P2RY8: variants seen among roughly 807,000 people sequenced by gnomAD.
P2RY8 encodes the protein P2Y receptor family member 8, also known as S-geranylgeranyl-glutathione receptor P2RY8.
Under a neutral mutation model 10.0 loss-of-function variants are expected in P2RY8, and 6 were observed. The observed-to-expected ratio is 0.60, with a 90% CI of 0.33 to 1.19. The LOEUF (loss-of-function observed/expected upper bound fraction) is 1.19, where lower values mean the gene tolerates loss of function less well. P2RY8 is among the 50% of genes most tolerant of loss of function. The pLI, the probability that P2RY8 is intolerant of heterozygous loss-of-function variation, is 0.04. For synonymous variants in P2RY8, 276 were observed against 252.5 expected, an observed-to-expected ratio of 1.09 and a Z score of -0.88; for missense variants, 456 against 542.0, an observed-to-expected ratio of 0.84 and a Z score of 1.58.
At position 1,529,906 on chromosome X, in the gene P2RY8, G is replaced by A. The variant is rs368924966; in HGVS notation, c.-25+7015C>T. ...ATGTCTGAGGACAGTTCTGGTTGTC[G>A]CAACTGTGGGGGTGCTCCTGGCATC... On this transcript the variant is annotated intron_variant, in intron 1 of 1. Transcript: ENST00000381297. Among the ~76,000 whole-genome samples, 42 of 151,794 alleles carry A rather than the reference G, an allele frequency of 2.8e-4. 1 individual carries two copies. The East Asian group carries it at 6.4e-3, about 23-fold the overall frequency.
In P2RY8 at chrX:1,506,356, T is replaced by C. The variant is rs759416923; in HGVS notation, c.-25+30565A>G. 7.9e-5 allele frequency among the ~76,000 whole-genome samples: 12 copies of C among 152,270 alleles called. No individual in the cohort carries two copies. The East Asian group carries it at 2.3e-3, about 29-fold the overall frequency. On this transcript the variant is annotated intron_variant, in intron 1 of 1. Coordinates refer to ENST00000381297, the MANE Select transcript of P2RY8 (RefSeq NM_178129.5). The stretch of plus-strand genomic sequence containing the variant: ...CCCCTTCTAAGATGAGCCAGGAGGC[T>C]AATTGGGTAGACAAAAGAAGACAGA...
chrX:1,484,452 C>T (rs1455667069), intron 1 of P2RY8, among the ~76,000 whole-genome samples: 2 of 152,018 alleles, frequency 1.3e-5, no homozygotes, highest in African/African-American at 4.8e-5. Context: ...ACAGGCCGGG[C>T]GCGGTGGCTC....
chrX:1,508,555 A>G (rs746107501), intron 1 of P2RY8, among the ~76,000 whole-genome samples: 1 of 152,210 alleles, frequency 6.6e-6, no homozygotes, highest in East Asian at 1.9e-4. Context: ...CTAGCCATCC[A>G]TCTATTTATC....
Position 1,471,305 on chromosome X carries a change from GC to G in P2RY8, c.-24-4724del, listed in dbSNP as rs1336162394. ...CTACAGACGTGAGCCACCGCGCCCA[GC>G]CCATTTTTTTTTTTTTTTTTTTTTT... On this transcript the variant is annotated intron_variant, in intron 1 of 1. Transcript: ENST00000381297. 6.8e-5 allele frequency among the ~76,000 whole-genome samples: 4 copies of G among 58,876 alleles called. 1 individual carries two copies. The highest frequency in any genetic ancestry group is 2.7e-4 in the African/African-American group (3 of 11,176). 38.6% of individuals were successfully genotyped at this position (58,876 alleles called of 152,430 possible). A position where few individuals can be genotyped will look rare whatever the true frequency, so the allele number is the denominator to read the frequency against.
At chrX:1,525,835 A>T (rs2092436181) in intron 1 of P2RY8, among the ~76,000 whole-genome samples, 1 of 151,960 alleles carries the variant, frequency 6.6e-6, no homozygotes, top group African/African-American at 2.4e-5. Context: ...TCATTTATTC[A>T]TGCATCCATT....
intron 1 of P2RY8, among the ~76,000 whole-genome samples, chrX:1,484,817 A>G (rs1276596966): frequency 6.7e-6 from 1 of 148,678 alleles, no homozygotes; most frequent in African/African-American, 2.5e-5. Flanking sequence ...TCTGTGTCCC[A>G]TTCAAGTCCT....
intron 1 of P2RY8, 38 bp from the exon 2 acceptor site, chrX:1,466,620 C>T (rs1318191736): frequency 1.3e-5 from 20 of 1,533,312 alleles, no homozygotes; most frequent in South Asian, 2.5e-5. Context: ...GGGTCAGGGG[C>T]GCAGGTAAAG....
At chrX:1,480,353 A>C (rs1339483108) in intron 1 of P2RY8, among the ~76,000 whole-genome samples, 1 of 149,514 alleles carries the variant, frequency 6.7e-6, no homozygotes, top group Non-Finnish European at 1.5e-5. Context: ...GCTGGACTGC[A>C]GTGGCACGAC....
At chrX:1,507,904 C>T (rs1239951345) in intron 1 of P2RY8, among the ~76,000 whole-genome samples, 6 of 152,158 alleles carry the variant, frequency 3.9e-5, no homozygotes, top group East Asian at 1.9e-4. Flanking sequence ...AAGCCAGCCC[C>T]GTCTGGCACT....
chrX:1,521,930 T>G, intron 1 of P2RY8, among the ~76,000 whole-genome samples: 1 of 146,078 alleles, frequency 6.8e-6, no homozygotes, highest in South Asian at 2.2e-4. Context: ...GTCTTTCTCT[T>G]TCTCTCTCGC....
rs182301632 is a variant in P2RY8, at chrX:1,481,102, T to A, written c.-24-14520A>T. ...ACAGATGAAGTACCGGAACTCTCAT[T>A]GAATGCTGGTCACAAGAAGACGGTC... On this transcript the variant is annotated intron_variant, in intron 1 of 1. Coordinates refer to ENST00000381297, the MANE Select transcript of P2RY8 (RefSeq NM_178129.5). Among the ~76,000 whole-genome samples the A allele has an allele frequency of 1.9e-4, 29 of 151,922 alleles. No homozygotes were observed. In the East Asian group the frequency reaches 4.5e-3, roughly 23 times the overall value.
intron 1 of P2RY8, among the ~76,000 whole-genome samples, chrX:1,511,787 C>G (rs2092299303): frequency 6.6e-6 from 1 of 152,174 alleles, no homozygotes; most frequent in African/African-American, 2.4e-5. Context: ...TTCTGGGGCT[C>G]CAGACACGAT....
Position 1,464,727 on chromosome X carries a change from T to G in P2RY8, c.*752A>C. On this transcript the variant is annotated 3_prime_UTR_variant, in exon 2 of 2. Transcript: ENST00000381297. ...TCACAGAAGCAGAATAGGGGTGGGGTCCCACCAAGCCAGGCCAGAACAAAT... is the reference window on the plus strand; with the variant it reads ...TCACAGAAGCAGAATAGGGGTGGGGGCCCACCAAGCCAGGCCAGAACAAAT... 2 of 232,914 alleles carry G rather than the reference T, an allele frequency of 8.6e-6. No homozygotes were observed. Among genetic ancestry groups the G allele is most frequent in the Non-Finnish European group, 1.7e-5 (2 of 118,058 alleles). 14.4% of individuals were successfully genotyped at this position (232,914 alleles called of 1,614,324 possible). A position where few individuals can be genotyped will look rare whatever the true frequency, so the allele number is the denominator to read the frequency against.
intron 1 of P2RY8, among the ~76,000 whole-genome samples, chrX:1,536,166 C>T (rs1428923943): frequency 1.3e-5 from 2 of 152,152 alleles, no homozygotes; most frequent in Non-Finnish European, 2.9e-5. Flanking sequence ...GAAAAAACTG[C>T]AATCTCAGGC....
intron 1 of P2RY8, among the ~76,000 whole-genome samples, chrX:1,504,454 G>A (rs1448528604): frequency 1.3e-5 from 2 of 152,172 alleles, no homozygotes; most frequent in Non-Finnish European, 2.9e-5. Flanking sequence ...CCTCATGACA[G>A]CAAAACAGTT....
At chrX:1,493,073 G>GTCGGGAGTTCGAGATCAGCCTGGTCAA (rs2092069460) in intron 1 of P2RY8, among the ~76,000 whole-genome samples, 1 of 151,358 alleles carries the variant, frequency 6.6e-6, no homozygotes, top group African/African-American at 2.4e-5. Context: ...GGATCATGAG[G>GTCGGGAGTTCGAGATCAGCCTGGTCAA]TCGGGAGTTC....
chrX:1,471,765 T>G (rs1354470391), intron 1 of P2RY8, among the ~76,000 whole-genome samples: 1 of 152,100 alleles, frequency 6.6e-6, no homozygotes, highest in African/African-American at 2.4e-5. Flanking sequence ...ACAAAAGGCA[T>G]CTCCTCGTGG....
At chrX:1,532,269 CACAA>C (rs1411344846) in intron 1 of P2RY8, among the ~76,000 whole-genome samples, 2 of 150,772 alleles carry the variant, frequency 1.3e-5, no homozygotes, top group Non-Finnish European at 3.0e-5. Context: ...CTGACACACA[CACAA>C]ACACACACAC....
chrX:1,531,976 C>T (rs1393879140), intron 1 of P2RY8, among the ~76,000 whole-genome samples: 2 of 152,112 alleles, frequency 1.3e-5, no homozygotes, highest in African/African-American at 4.8e-5. Context: ...TAAACTAGTA[C>T]AGCCACTATA....
Sources: allele counts gnomAD v4.1 joint callset (sites outside exome capture counted in the v4.1 genomes callset), GRCh38; gene constraint gnomAD v4.1.1; transcripts MANE v1.5; gene names NCBI Gene and HGNC (gene_info 2026-07-23, HGNC 2026-07-21).